ESPL1: variants seen among roughly 807,000 people sequenced by gnomAD.
ESPL1 encodes the protein extra spindle pole bodies like 1, separase.
Under a neutral mutation model 217.2 loss-of-function variants are expected in ESPL1, and 50 were observed. That is an observed-to-expected ratio of 0.23 (90% CI 0.18 to 0.29). The LOEUF (loss-of-function observed/expected upper bound fraction) is 0.29, where lower values mean the gene tolerates loss of function less well. ESPL1 is among the 10% of genes least tolerant of loss of function. The pLI, the probability that ESPL1 is intolerant of heterozygous loss-of-function variation, is 1.00. For synonymous variants in ESPL1, 994 were observed against 1,081.3 expected (o/e 0.92, Z 1.58); for missense variants, 1,834 against 2,603.0 (o/e 0.70, Z 6.43).
chr12:53,276,946 C>T, intron 8 of ESPL1, 87 bp downstream of exon 8: 1 of 1,562,834 alleles, frequency 6.4e-7, no homozygotes. Flanking sequence ...TCTCCACAGC[C>T]CTGAGCTCTC....
Position 53,269,176 on chromosome 12 carries a change from A to G in ESPL1, c.234A>G (p.Ala78=). 6.2e-7 allele frequency: 1 copy of G among 1,614,160 alleles called. No individual in the cohort carries two copies. The highest frequency in any genetic ancestry group is 1.3e-5 in the African/African-American group (1 of 75,044). ...ATCTGGGGAGCCTGCTGGAGCTGGC[A>G]GAGCTGGCCTGTGATGGCTACTTAG... ...PRHLGSLLEL[A]ELACDGYLVS... Residue 78 remains alanine (A), a synonymous_variant, in exon 3 of 31, where the codon GCA becomes GCG. Coordinates refer to ENST00000257934, the MANE Select transcript of ESPL1 (RefSeq NM_012291.5). This position sits in a 1 kb window ranked among gnomAD's most constrained non-coding sequence, Gnocchi z 6.7.
At chr12:53,285,141 CAT>C (rs1379777833) in intron 17 of ESPL1, among the ~76,000 whole-genome samples, 1 of 151,992 alleles carries the variant, frequency 6.6e-6, no homozygotes, top group South Asian at 2.1e-4. Context: ...GTAGCACAAA[CAT>C]ATCCTCAGGA....
rs1351912757 is a variant in ESPL1 at position 53,284,040 on chromosome 12, C to G, written c.3078-18C>G. ...CAAAGGATTCCTCTGATTGGTTCTC[C>G]TCTCCTCTCTCAACAAGGTGTGCCC... On this transcript the variant is annotated intron_variant, in intron 16 of 30. Transcript: ENST00000257934. 7.0e-6 allele frequency: 11 copies of G among 1,562,370 alleles called. No individual in the cohort carries two copies. The highest frequency in any genetic ancestry group is 7.1e-6 in the Non-Finnish European group (8 of 1,133,166).
Position 53,291,686 on chromosome 12 carries a change from G to A in ESPL1, c.5521-4G>A. On this transcript the variant is annotated splice_polypyrimidine_tract_variant and splice_region_variant and intron_variant, in intron 25 of 30. Transcript: ENST00000257934. ...TGGTGCTCACCACCACTGTTTCCCT[G>A]CAGATCATGCTCAGTGGTGCCGGTG... 1 of 1,613,084 alleles carries A rather than the reference G, an allele frequency of 6.2e-7. No individual in the cohort carries two copies. The highest frequency in any genetic ancestry group is 8.5e-7 in the Non-Finnish European group (1 of 1,179,534).
In ESPL1 at chr12:53,282,828, A is replaced by G. The variant is rs1355891950; in HGVS notation, c.2792-301A>G. 1.3e-5 allele frequency among the ~76,000 whole-genome samples: 2 copies of G among 152,078 alleles called. No individual in the cohort carries two copies. The highest frequency in any genetic ancestry group is 2.9e-5 in the Non-Finnish European group (2 of 68,022). ...GCCACTACGCCCGACTAATTTTTGT[A>G]TTATTAGTAGAGGTGGGGTTTCACC... On this transcript the variant is annotated intron_variant, in intron 14 of 30. Transcript: ENST00000257934. The surrounding 1 kb of genome is among the most constrained non-coding windows in gnomAD (Gnocchi z 4.0).
intron 5 of ESPL1, 99 bp downstream of exon 5, chr12:53,270,897 T>C: frequency 7.6e-7 from 1 of 1,320,582 alleles, no homozygotes; most frequent in Non-Finnish European, 1.0e-6. Flanking sequence ...ACTGTGAGGG[T>C]TCCTTATGGT....
chr12:53,270,871 C>A, intron 5 of ESPL1, 73 bp downstream of exon 5: 1 of 1,547,654 alleles, frequency 6.5e-7, no homozygotes, highest in Non-Finnish European at 8.8e-7. Flanking sequence ...ATAGTACTTG[C>A]TGCGTGGTTC....
Position 53,277,000 on chromosome 12 carries a change from A to C in ESPL1, c.1941-83A>C. The C allele has an allele frequency of 1.9e-6, 3 of 1,570,936 alleles. No individual in the cohort carries two copies. In the East Asian group the frequency reaches 6.8e-5, roughly 35 times the overall value. On this transcript the variant is annotated intron_variant, in intron 8 of 30. Transcript: ENST00000257934. ...GGGAGCACATGCAAAGGGCGAGGCC[A>C]GCTGTTCTGCAGCTAGCCCTTCCCA...
chr12:53,285,656 C>G (rs1191883756), intron 17 of ESPL1, among the ~76,000 whole-genome samples: 2 of 151,322 alleles, frequency 1.3e-5, no homozygotes, highest in South Asian at 4.2e-4. Flanking sequence ...TTGCAGTGAG[C>G]TGAGATTGTG....
chr12:53,270,335 T>C (rs1196265958), intron 3 of ESPL1, 43 bp from the exon 4 acceptor site: 3 of 1,408,368 alleles, frequency 2.1e-6, no homozygotes, highest in Non-Finnish European at 3.0e-6. Flanking sequence ...TGGAGCCCTC[T>C]TTATCTCTAC....
At chr12:53,279,905 G>A (rs763873366) in intron 12 of ESPL1, 39 bp downstream of exon 12, 4 of 1,509,526 alleles carry the variant, frequency 2.6e-6, no homozygotes, top group African/African-American at 2.8e-5. Flanking sequence ...ACTGCAGGGG[G>A]CCCGTAGCTT....
At chr12:53,287,101 C>T (rs1943962158) in intron 18 of ESPL1, among the ~76,000 whole-genome samples, 189 bp downstream of exon 18, 1 of 152,202 alleles carries the variant, frequency 6.6e-6, no homozygotes, top group Non-Finnish European at 1.5e-5. Flanking sequence ...GAGAAGGAGT[C>T]TCGCTCTGTC....
At position 53,272,814 on chromosome 12, in the gene ESPL1, G is replaced by T; in HGVS notation, c.1463G>T (p.Gly488Val). 1 of 1,614,128 alleles carries T rather than the reference G, an allele frequency of 6.2e-7. No individual in the cohort carries two copies. Among genetic ancestry groups the T allele is most frequent in the Non-Finnish European group, 8.5e-7 (1 of 1,180,030 alleles). ...TCTGAGCCGCTCTGTCAGCACCTGG[G>T]TTTGGTGAAGCCAGGCACTTATCCC... The part of the protein sequence containing the change: ...AISEPLCQHL[G>V]LVKPGTYPEV... The change falls in exon 6 of 31, where the codon GGT (glycine) becomes GTT (valine). Residue 488 changes from glycine (G) to valine (V), a missense_variant. By Grantham distance (109) the Gly-to-Val change is moderately radical. Around this residue, in one of 5 missense-constraint regions of ESPL1, gnomAD observed 746 missense variants for 1,077.0 expected, o/e 0.69. Transcript: ENST00000257934.
chr12:53,281,555 A>G lies in ESPL1; in HGVS notation c.2548A>G (p.Thr850Ala). The G allele has an allele frequency of 2.5e-6, 4 of 1,613,700 alleles. No individual in the cohort carries two copies. The highest frequency in any genetic ancestry group is 3.4e-6 in the Non-Finnish European group (4 of 1,179,626). ...ASSLKHLDQT[T>A]DTYLLLSLTC... ...GAGCCTGAAGCATCTCGATCAGACT[A>G]CTGACACATACCTGCTCCTTTCCCT... The change falls in exon 13 of 31, where the codon ACT (threonine) becomes GCT (alanine). Residue 850 changes from threonine to alanine, a missense_variant. This residue lies in a region of ESPL1 where 746 missense variants were observed against 1,077.0 expected (regional missense o/e 0.69). Coordinates refer to ENST00000257934, the MANE Select transcript of ESPL1 (RefSeq NM_012291.5).
chr12:53,271,072 C>A (rs1242761178), intron 5 of ESPL1, among the ~76,000 whole-genome samples: 1 of 146,538 alleles, frequency 6.8e-6, no homozygotes, highest in African/African-American at 2.6e-5. Context: ...GACCTTTCAA[C>A]ATATTTTTTT....
At position 53,284,101 on chromosome 12, in the gene ESPL1, C is replaced by G. The variant is rs749545882; in HGVS notation, c.3121C>G (p.Arg1041Gly). The stretch of plus-strand genomic sequence containing the variant: ...GCTGAAGGGCGAGCTGGAGCTGGCC[C>G]GCAATGACATTGATCTCTGTCAGTC... The part of the protein sequence containing the change: ...LVLKGELELA[R>G]NDIDLCQSDL... The change falls in exon 17 of 31, where the codon CGC becomes GGC. Residue 1041 changes from arginine (R) to glycine (G), a missense_variant. This residue lies in a region of ESPL1 where 107 missense variants were observed against 171.7 expected (regional missense o/e 0.62). Transcript: ENST00000257934. 26 of 1,613,870 alleles carry G rather than the reference C, an allele frequency of 1.6e-5. No individual in the cohort carries two copies. The highest frequency in any genetic ancestry group is 2.2e-5 in the East Asian group (1 of 44,870).
At position 53,277,489 on chromosome 12, in the gene ESPL1, G is replaced by A; in HGVS notation, c.2105G>A (p.Arg702Lys). The part of the protein sequence containing the change: ...KMQEGIERDR[R>K]AQAPGNLEEF... ...ATCCAGGGTATCGAGCGGGATCGGAGAGCCCAGGCCCCTGGTAACTTGGAG... is the reference window on the plus strand; with the variant it reads ...ATCCAGGGTATCGAGCGGGATCGGAAAGCCCAGGCCCCTGGTAACTTGGAG... Residue 702 changes from arginine to lysine, a missense_variant, in exon 10 of 31, where the codon AGA becomes AAA. Physicochemically the swap from Arg to Lys is conservative, Grantham distance 26. This residue lies in a region of ESPL1 where 746 missense variants were observed against 1,077.0 expected (regional missense o/e 0.69). Coordinates refer to ENST00000257934, the MANE Select transcript of ESPL1 (RefSeq NM_012291.5). 1 of 1,614,088 alleles carries A rather than the reference G, an allele frequency of 6.2e-7. No homozygotes were observed. Among genetic ancestry groups the A allele is most frequent in the South Asian group, 1.1e-5 (1 of 91,076 alleles).
At position 53,279,865 on chromosome 12, in the gene ESPL1, A is replaced by G; in HGVS notation, c.2498A>G (p.Gln833Arg). ...ACCCTCGGCTGTCCCAGCTATGCCC[A>G]GGTGAGTGCCCAACCAGCCTAGTCT... Reference protein sequence around the residue: ...LLTLGCPSYAQLHLEEAASSL... With the variant: ...LLTLGCPSYARLHLEEAASSL... Residue 833 changes from glutamine to arginine, a missense_variant and splice_region_variant, in exon 12 of 31, where the codon CAG (glutamine) becomes CGG (arginine). By Grantham distance (43) the Gln-to-Arg change is conservative. This residue lies in a region of ESPL1 where 746 missense variants were observed against 1,077.0 expected (regional missense o/e 0.69). Transcript: ENST00000257934. 1 of 1,586,440 alleles carries G rather than the reference A, an allele frequency of 6.3e-7. No individual in the cohort carries two copies.
Position 53,290,489 on chromosome 12 carries a change from G to A in ESPL1, c.5364+20G>A, listed in dbSNP as rs774270221. The stretch of plus-strand genomic sequence containing the variant: ...ATGGAGGTGTGTGCTTCTGGGGTGG[G>A]GTCAGGCCTGCTCTAGGAATGACCC... On this transcript the variant is annotated intron_variant, in intron 24 of 30. Transcript: ENST00000257934. 6.2e-6 allele frequency: 10 copies of A among 1,610,886 alleles called. No individual in the cohort carries two copies. Among genetic ancestry groups the A allele is most frequent in the Non-Finnish European group, 7.6e-6 (9 of 1,178,782 alleles).
Sources: allele counts gnomAD v4.1 joint callset (sites outside exome capture counted in the v4.1 genomes callset), GRCh38; gene constraint gnomAD v4.1.1; regional missense constraint gnomAD v4.1.1; non-coding constraint Gnocchi (gnomAD v3.1); transcripts MANE v1.5; gene names NCBI Gene and HGNC (gene_info 2026-07-23, HGNC 2026-07-21).